Variants in NXPE4 observed in about 807,000 individuals in gnomAD.
NXPE4 encodes NXPE family member 4.
NXPE4 carries 42 observed loss-of-function variants against 33.3 expected under a neutral mutation model. The observed-to-expected ratio is 1.26, with a 90% confidence interval of 0.98 to 1.63. The LOEUF (loss-of-function observed/expected upper bound fraction) is 1.63. NXPE4 is among the 40% of genes most tolerant of loss of function. The probability of loss-of-function intolerance (pLI) is 0.00; values close to 1 mark genes in which losing one functional copy is unlikely to be tolerated. For synonymous variants in NXPE4, 253 were observed against 234.9 expected, an observed-to-expected ratio of 1.08 and a Z score of -0.71; for missense variants, 709 against 647.6, an observed-to-expected ratio of 1.09 and a Z score of -1.03.
chr11:114,609,624 C>T, the NXPE4 span, among the ~76,000 whole-genome samples: 7 of 150,248 alleles, frequency 4.7e-5, no homozygotes, highest in Non-Finnish European at 7.4e-5. Context: ...GCATGCTTAC[C>T]CGATGGATAA....
At chr11:114,613,053 G>A in the NXPE4 span, among the ~76,000 whole-genome samples, 1 of 151,902 alleles carries the variant, frequency 6.6e-6, no homozygotes, top group Non-Finnish European at 1.5e-5. Flanking sequence ...AATACTTGTT[G>A]CCTTGAGGGT....
At position 114,582,752 on chromosome 11, in the gene NXPE4, C is replaced by T. The variant is rs1180959916; in HGVS notation, c.366G>A (p.Glu122=). ...TCCTGCGTCCCAAGTGGTCCCTCAC[C>T]TCCAGCAGGATGTGCAGCTGGTCTC... ...CRGDQLHILL[E]VRDHLGRRKQ... Residue 122 remains glutamate, a synonymous_variant, in exon 3 of 6, where the codon GAG becomes GAA. Coordinates refer to ENST00000375478, the MANE Select transcript of NXPE4 (RefSeq NM_001077639.2). The T allele has an allele frequency of 6.2e-7, 1 of 1,614,200 alleles. No homozygotes were observed. Among genetic ancestry groups the T allele is most frequent in the East Asian group, 2.2e-5 (1 of 44,888 alleles).
the NXPE4 span, among the ~76,000 whole-genome samples, chr11:114,652,582 T>C: frequency 6.6e-6 from 1 of 152,232 alleles, no homozygotes; most frequent in Admixed American, 6.5e-5. Context: ...ACAGTGAGTG[T>C]TGCTCGACAT....
At chr11:114,590,383 C>T (rs1489166680) in intron 2 of NXPE4, among the ~76,000 whole-genome samples, 2 of 152,302 alleles carry the variant, frequency 1.3e-5, no homozygotes, top group East Asian at 1.9e-4. Flanking sequence ...CCATTTCCTC[C>T]TTCCCCCTCC....
At chr11:114,633,508 A>G in the NXPE4 span, among the ~76,000 whole-genome samples, 1 of 150,796 alleles carries the variant, frequency 6.6e-6, no homozygotes, top group African/African-American at 2.4e-5. Context: ...ACATGTGCAC[A>G]ATGTGCAGGT....
upstream of NXPE4, among the ~76,000 whole-genome samples, chr11:114,598,596 T>G (rs113310586): frequency 6.6e-6 from 1 of 152,166 alleles, no homozygotes; most frequent in African/African-American, 2.4e-5. Context: ...GCAGGCTTAA[T>G]AGCCTGTGGA....
chr11:114,600,946 C>A, the NXPE4 span, among the ~76,000 whole-genome samples: 1 of 151,960 alleles, frequency 6.6e-6, no homozygotes, highest in Non-Finnish European at 1.5e-5. Flanking sequence ...TGAAATGATT[C>A]AGTTTCCACA....
the NXPE4 span, among the ~76,000 whole-genome samples, chr11:114,639,491 T>C: frequency 6.6e-6 from 1 of 151,612 alleles, no homozygotes; most frequent in Non-Finnish European, 1.5e-5. Context: ...GTGCCCACTG[T>C]CTGGCACTCC....
chr11:114,644,210 A>G, the NXPE4 span, among the ~76,000 whole-genome samples: 1 of 152,166 alleles, frequency 6.6e-6, no homozygotes, highest in African/African-American at 2.4e-5. Context: ...AACAGAGACA[A>G]TATGACTTCC....
chr11:114,652,053 G>C, the NXPE4 span, among the ~76,000 whole-genome samples: 8 of 152,250 alleles, frequency 5.3e-5, no homozygotes, highest in Middle Eastern at 3.4e-3. Flanking sequence ...AACTGATAAA[G>C]CTATTTACTT....
the NXPE4 span, among the ~76,000 whole-genome samples, chr11:114,649,242 G>T: frequency 6.6e-6 from 1 of 151,932 alleles, no homozygotes; most frequent in Non-Finnish European, 1.5e-5. Context: ...CTTAATCTTA[G>T]GGCATGGTAA....
chr11:114,615,854 C>T, the NXPE4 span, among the ~76,000 whole-genome samples: 4 of 151,688 alleles, frequency 2.6e-5, no homozygotes, highest in East Asian at 1.9e-4. Flanking sequence ...AGAGATGCCT[C>T]GTGTGTAAGC....
the NXPE4 span, among the ~76,000 whole-genome samples, chr11:114,629,478 T>G: frequency 0.074 from 10,897 of 147,126 alleles, 513 homozygotes; most frequent in Middle Eastern, 0.17. Context: ...CAACCCTTCA[T>G]GCTAAAAACT....
intron 2 of NXPE4, among the ~76,000 whole-genome samples, chr11:114,589,674 T>C (rs1371837679): frequency 1.3e-5 from 2 of 152,102 alleles, no homozygotes; most frequent in African/African-American, 4.8e-5. Flanking sequence ...ATAGGTTGAG[T>C]TGTAACCACT....
chr11:114,620,739 C>T, the NXPE4 span, among the ~76,000 whole-genome samples: 21,547 of 151,934 alleles, frequency 0.14, 1,896 homozygotes, highest in East Asian at 0.37. Flanking sequence ...CACAGTTACC[C>T]GATGTATAAT....
At chr11:114,607,871 G>A in the NXPE4 span, among the ~76,000 whole-genome samples, 1 of 151,826 alleles carries the variant, frequency 6.6e-6, no homozygotes, top group Admixed American at 6.6e-5. Flanking sequence ...CTGTTACCTG[G>A]TGGATAGTAA....
chr11:114,592,863 T>C (rs1046566086), intron 2 of NXPE4, among the ~76,000 whole-genome samples: 4 of 151,964 alleles, frequency 2.6e-5, no homozygotes, highest in African/African-American at 9.7e-5. Context: ...AACACAGAAA[T>C]GAATCCACAT....
At chr11:114,606,743 G>T in the NXPE4 span, among the ~76,000 whole-genome samples, 6 of 151,930 alleles carry the variant, frequency 3.9e-5, no homozygotes, top group African/African-American at 1.5e-4. Flanking sequence ...CTACCTGCTG[G>T]ATAATAAGTA....
At chr11:114,625,504 C>T in the NXPE4 span, among the ~76,000 whole-genome samples, 1 of 152,182 alleles carries the variant, frequency 6.6e-6, no homozygotes, top group South Asian at 2.1e-4. Flanking sequence ...TGGGTAACCA[C>T]TGTTACCAGG....
Sources: gnomAD v4.1 joint callset for allele counts (sites outside exome capture counted in the v4.1 genomes callset) on GRCh38, gnomAD v4.1.1 for gene constraint, MANE v1.5 for transcripts, NCBI Gene and HGNC (gene_info 2026-07-23, HGNC 2026-07-21) for gene names.